ATP9B: variants seen among roughly 807,000 people sequenced by gnomAD.
ATP9B encodes probable phospholipid-transporting ATPase IIB.
In ATP9B, 110 loss-of-function variants were observed where a neutral mutation model predicts 146.1. The observed-to-expected ratio is 0.75, with a 90% CI of 0.65 to 0.88. The LOEUF (loss-of-function observed/expected upper bound fraction) is 0.88, where lower values mean the gene tolerates loss of function less well. ATP9B is among the 40% of genes least tolerant of loss of function. The pLI, the probability that ATP9B is intolerant of heterozygous loss-of-function variation, is 0.00. For missense variants in ATP9B, 1,499 were observed against 1,496.4 expected, an observed-to-expected ratio of 1.00 and a Z score of -0.03; for synonymous variants, 604 against 569.7, an observed-to-expected ratio of 1.06 and a Z score of -0.86.
chr18:79,214,858 A>G (rs937270473), intron 11 of ATP9B, among the ~76,000 whole-genome samples: 1 of 152,208 alleles, frequency 6.6e-6, no homozygotes, highest in Non-Finnish European at 1.5e-5. Flanking sequence ...TAATTCTTTG[A>G]AAAGATAGGC....
chr18:79,214,571 G>A (rs1039864787), intron 11 of ATP9B, among the ~76,000 whole-genome samples: 1 of 152,100 alleles, frequency 6.6e-6, no homozygotes, highest in African/African-American at 2.4e-5. Context: ...TCCAACATGT[G>A]TGTAAAATCA....
At chr18:79,259,545 C>T (rs571061716) in intron 12 of ATP9B, among the ~76,000 whole-genome samples, 8 of 152,200 alleles carry the variant, frequency 5.3e-5, no homozygotes, top group Non-Finnish European at 8.8e-5. Flanking sequence ...GTTGAAAGCA[C>T]TGAAGGTGAA....
At chr18:79,346,061 C>T (rs1382805058) in intron 23 of ATP9B, among the ~76,000 whole-genome samples, 19 of 151,952 alleles carry the variant, frequency 1.3e-4, no homozygotes, top group Admixed American at 5.2e-4. Context: ...GCTCGGTCGG[C>T]GCACGTCAGC....
intron 15 of ATP9B, among the ~76,000 whole-genome samples, chr18:79,325,588 C>T (rs1315119860): frequency 6.6e-6 from 1 of 152,194 alleles, no homozygotes; most frequent in African/African-American, 2.4e-5. Flanking sequence ...TGGGAAGTCA[C>T]CTGAGGTCAC....
intron 1 of ATP9B, among the ~76,000 whole-genome samples, chr18:79,072,139 A>G (rs1599292093): frequency 8.5e-6 from 1 of 117,964 alleles, no homozygotes; most frequent in African/African-American, 2.8e-5. Context: ...AAGTTCCCTA[A>G]TTCTTTTTTT....
At chr18:79,101,203 T>C (rs2146849237) in intron 2 of ATP9B, among the ~76,000 whole-genome samples, 1 of 152,214 alleles carries the variant, frequency 6.6e-6, no homozygotes, top group South Asian at 2.1e-4. Context: ...GGGAGCTTCC[T>C]GTGCCACAGC....
intron 5 of ATP9B, among the ~76,000 whole-genome samples, chr18:79,133,997 C>T (rs2147285176): frequency 6.6e-6 from 1 of 152,328 alleles, no homozygotes; most frequent in Non-Finnish European, 1.5e-5. Flanking sequence ...ACTCTCCTTT[C>T]AAAGTAAAAA....
chr18:79,088,285 G>A (rs2074013859), intron 1 of ATP9B, among the ~76,000 whole-genome samples: 2 of 152,144 alleles, frequency 1.3e-5, no homozygotes, highest in Non-Finnish European at 2.9e-5. Context: ...TAATGAAAAA[G>A]ATCAAAAGTC....
chr18:79,122,195 A>G (rs1481806706), intron 4 of ATP9B, among the ~76,000 whole-genome samples: 13 of 152,196 alleles, frequency 8.5e-5, no homozygotes. Flanking sequence ...TATTGTCTAT[A>G]CTATATAAAT....
intron 5 of ATP9B, among the ~76,000 whole-genome samples, chr18:79,142,270 G>A (rs193135697): frequency 7.5e-4 from 114 of 152,230 alleles, no homozygotes; most frequent in Non-Finnish European, 9.3e-4. Flanking sequence ...CTCTCTTACC[G>A]TGCTACAGAA....
intron 3 of ATP9B, among the ~76,000 whole-genome samples, chr18:79,112,976 T>C (rs968788016): frequency 5.9e-5 from 9 of 152,174 alleles, no homozygotes; most frequent in African/African-American, 2.2e-4. Context: ...AAAAAAACTT[T>C]TAGATGACAT....
At position 79,337,460 on chromosome 18, in the gene ATP9B, C is replaced by T; in HGVS notation, c.2283+11C>T. 6.2e-7 allele frequency: 1 copy of T among 1,604,452 alleles called. No homozygotes were observed. Among genetic ancestry groups the T allele is most frequent in the Non-Finnish European group, 8.5e-7 (1 of 1,178,240 alleles). ...AACGCCGGGATCAAGGTACTGCAGG[C>T]TCACCTCTGCTGGCGCGCGCTGCTT... On this transcript the variant is annotated intron_variant, in intron 19 of 29. Coordinates refer to ENST00000426216, the MANE Select transcript of ATP9B (RefSeq NM_198531.5).
At chr18:79,160,270 C>G (rs963964708) in intron 7 of ATP9B, among the ~76,000 whole-genome samples, 16 of 152,184 alleles carry the variant, frequency 1.1e-4, no homozygotes, top group Non-Finnish European at 4.4e-5. Context: ...ATAAATGCTC[C>G]TGGAATTCTT....
chr18:79,303,579 T>C lies in ATP9B; in HGVS notation c.1412-25T>C, dbSNP rs1443465895. 5 of 1,593,186 alleles carry C rather than the reference T, an allele frequency of 3.1e-6. No individual in the cohort carries two copies. The East Asian group carries it at 9.0e-5, about 29-fold the overall frequency. ...CCCGCAGGCCTCCTGCATTAATGTG[T>C]TTGCTGTTGTCCCCTTTATCCTAGG... On this transcript the variant is annotated intron_variant, in intron 13 of 29. Coordinates refer to ENST00000426216, the MANE Select transcript of ATP9B (RefSeq NM_198531.5).
intron 11 of ATP9B, among the ~76,000 whole-genome samples, chr18:79,215,214 TA>T (rs1296100555): frequency 1.3e-5 from 2 of 152,146 alleles, no homozygotes; most frequent in Non-Finnish European, 2.9e-5. Flanking sequence ...AATGTTATTT[TA>T]AAAATGGTTA....
At chr18:79,213,821 C>G (rs1236759378) in intron 10 of ATP9B, 141 bp from the exon 11 acceptor site, 2 of 633,246 alleles carry the variant, frequency 3.2e-6, no homozygotes, top group African/African-American at 1.9e-5. Context: ...TTGAATTAGC[C>G]AAATTAAATA....
At chr18:79,118,391 T>G (rs28595842) in intron 4 of ATP9B, among the ~76,000 whole-genome samples, 537 of 36,332 alleles carry the variant, frequency 0.015, 6 homozygotes, top group East Asian at 0.057. Flanking sequence ...AACGTTTTTG[T>G]TTTTTTTTTT....
intron 26 of ATP9B, chr18:79,360,740 A>G (rs894305621): frequency 6.6e-6 from 1 of 152,260 alleles, no homozygotes; most frequent in Non-Finnish European, 1.5e-5. Context: ...AAATAAAGCT[A>G]GTTCACCAGT....
chr18:79,136,119 G>A (rs1322509807), intron 5 of ATP9B, among the ~76,000 whole-genome samples: 1 of 152,126 alleles, frequency 6.6e-6, no homozygotes, highest in Non-Finnish European at 1.5e-5. Flanking sequence ...TAATACTAGT[G>A]TATTAATACA....
Sources: allele counts gnomAD v4.1 joint callset (sites outside exome capture counted in the v4.1 genomes callset), GRCh38; gene constraint gnomAD v4.1.1; transcripts MANE v1.5; gene names NCBI Gene and HGNC (gene_info 2026-07-23, HGNC 2026-07-21).